The following ESCO2 variants were observed in gnomAD, a reference collection of about 807,000 sequenced individuals.
The protein encoded by ESCO2 is N-acetyltransferase ESCO2.
Under a neutral mutation model 61.7 loss-of-function variants are expected in ESCO2, and 51 were observed. The observed-to-expected ratio is 0.83, with a 90% CI of 0.66 to 1.04. The LOEUF is 1.04. Ranked by LOEUF, ESCO2 falls within the 50% of genes least tolerant of loss-of-function variation. The probability of loss-of-function intolerance (pLI) is 0.00; values close to 1 mark genes in which losing one functional copy is unlikely to be tolerated. For missense variants in ESCO2, 692 were observed against 686.2 expected, an observed-to-expected ratio of 1.01 and a Z score of -0.09; for synonymous variants, 230 against 238.2, an observed-to-expected ratio of 0.97 and a Z score of 0.32.
chr8:27,790,223 C>G (rs968561080), intron 7 of ESCO2, among the ~76,000 whole-genome samples: 16 of 152,178 alleles, frequency 1.1e-4, no homozygotes, highest in African/African-American at 3.9e-4. Context: ...GGATTTCTTT[C>G]TTTAATTTGT....
At chr8:27,786,996 G>A (rs4732750) in intron 5 of ESCO2, among the ~76,000 whole-genome samples, 41,297 of 151,840 alleles carry the variant, frequency 0.27, 6,432 homozygotes, top group Middle Eastern at 0.36. Context: ...AGGCTGGGTG[G>A]AGACTAGGGC....
At chr8:27,777,233 T>C (rs777530905) in intron 3 of ESCO2, 64 bp downstream of exon 3, 2 of 1,452,406 alleles carry the variant, frequency 1.4e-6, no homozygotes, top group Admixed American at 4.6e-5. Flanking sequence ...AATGACATAG[T>C]TGAATAAAAT....
downstream of ESCO2, chr8:27,810,461 G>C (rs1181790703): frequency 1.9e-6 from 3 of 1,606,406 alleles, no homozygotes; most frequent in South Asian, 2.2e-5. Context: ...ACGCTGCATA[G>C]TATGCTTCAT....
Position 27,803,904 on chromosome 8 carries a change from A to ATTT in ESCO2, c.*479_*481dup, listed in dbSNP as rs111395487. ...CCCAATTTGTAAAGGGAATTCCTGAATTTTTTTTTTTTTTTAATAGAGGCA... is the reference window on the plus strand; with the variant it reads ...CCCAATTTGTAAAGGGAATTCCTGAATTTTTTTTTTTTTTTTTTAATAGAGGCA... On this transcript the variant is annotated 3_prime_UTR_variant, in exon 11 of 11. Transcript: ENST00000305188. 1 of 899,560 alleles carries ATTT rather than the reference A, an allele frequency of 1.1e-6. No individual in the cohort carries two copies. Among genetic ancestry groups the ATTT allele is most frequent in the South Asian group, 5.0e-5 (1 of 20,046 alleles). 55.7% of individuals were successfully genotyped at this position (899,560 alleles called of 1,614,324 possible). A position where few individuals can be genotyped will look rare whatever the true frequency, so the allele number is the denominator to read the frequency against.
downstream of ESCO2, chr8:27,810,456 G>A: frequency 6.2e-7 from 1 of 1,606,918 alleles, no homozygotes. Flanking sequence ...TCCCAACGCT[G>A]CATAGTATGC....
chr8:27,808,402 C>G (rs1017550233), downstream of ESCO2: 9 of 217,274 alleles, frequency 4.1e-5, no homozygotes, highest in Admixed American at 3.7e-4. Context: ...AAAGGTAGTC[C>G]TGGGCACGGT....
At chr8:27,811,064 A>G, downstream of ESCO2, 1 of 1,612,966 alleles carries the variant, frequency 6.2e-7, no homozygotes, top group Non-Finnish European at 8.5e-7. Context: ...CAGTAATAAC[A>G]CCATTCTCCT....
At chr8:27,811,056 G>A (rs1805670623), downstream of ESCO2, 4 of 1,612,582 alleles carry the variant, frequency 2.5e-6, no homozygotes, top group Non-Finnish European at 3.4e-6. Flanking sequence ...TGCCTTGTCA[G>A]TAATAACACC....
At chr8:27,779,864 A>T in intron 3 of ESCO2, 1 of 272,580 alleles carries the variant, frequency 3.7e-6, no homozygotes, top group Non-Finnish European at 7.1e-6. Context: ...ATAGGGTTTC[A>T]CCATGTTAGC....
intron 9 of ESCO2, among the ~76,000 whole-genome samples, chr8:27,795,194 T>C (rs1408893017): frequency 6.6e-6 from 1 of 152,222 alleles, no homozygotes; most frequent in Non-Finnish European, 1.5e-5. Context: ...CTTCATCTTC[T>C]TTCATCAGTG....
rs773908617 is a variant in ESCO2 at position 27,777,066 on chromosome 8, A to AAG, written c.759_760insGA (p.Thr254GlufsTer14). 3 of 1,606,382 alleles carry AAG rather than the reference A, an allele frequency of 1.9e-6. No individual in the cohort carries two copies. The Admixed American group carries it at 5.2e-5, about 28-fold the overall frequency. On this transcript the variant is annotated frameshift_variant, in exon 3 of 11. Coordinates refer to ENST00000305188, the MANE Select transcript of ESCO2 (RefSeq NM_001017420.3). LOFTEE classifies it high-confidence loss of function. Reference sequence around the variant, plus strand: ...GATGTAGAGACTGTCAGTGAAAAAAAAACTTTTGCGACAAGGCAAGTGCCA... The same window carrying AAG: ...GATGTAGAGACTGTCAGTGAAAAAAAAGAACTTTTGCGACAAGGCAAGTGCCA...
downstream of ESCO2, among the ~76,000 whole-genome samples, chr8:27,816,699 A>C (rs1191634199): frequency 6.6e-6 from 1 of 151,936 alleles, no homozygotes; most frequent in Non-Finnish European, 1.5e-5. Flanking sequence ...TTAGTTGTGA[A>C]ATGTTAATAT....
the ESCO2 span, among the ~76,000 whole-genome samples, chr8:27,818,936 T>C: frequency 1.3e-5 from 2 of 152,176 alleles, no homozygotes; most frequent in African/African-American, 4.8e-5. Flanking sequence ...TTTTCTAAAA[T>C]GTCCAGATAA....
At position 27,804,304 on chromosome 8, in the gene ESCO2, C is replaced by G; in HGVS notation, c.*866C>G. On this transcript the variant is annotated 3_prime_UTR_variant, in exon 11 of 11. Transcript: ENST00000305188. ...TTGTTGTATGGAAATATTGGTAGTA[C>G]TACTTTGGGAACCTGTTACTGACAA... 4.1e-6 allele frequency: 4 copies of G among 985,320 alleles called. No homozygotes were observed. Among genetic ancestry groups the G allele is most frequent in the Admixed American group, 6.1e-5 (1 of 16,282 alleles). 61.0% of individuals were successfully genotyped at this position (985,320 alleles called of 1,614,324 possible).
chr8:27,806,461 A>C (rs781182641), downstream of ESCO2, among the ~76,000 whole-genome samples: 1 of 152,098 alleles, frequency 6.6e-6, no homozygotes, highest in Non-Finnish European at 1.5e-5. Context: ...TCGGTCTATT[A>C]TTGGACTTTG....
chr8:27,772,596 A>G (rs1013316996), upstream of ESCO2: 5 of 1,526,866 alleles, frequency 3.3e-6, no homozygotes, highest in African/African-American at 5.5e-5. Flanking sequence ...CAACTCACGA[A>G]GCTCAGGATA....
intron 8 of ESCO2, 30 bp from the exon 9 acceptor site, chr8:27,792,638 T>C: frequency 6.2e-7 from 1 of 1,606,720 alleles, no homozygotes; most frequent in Non-Finnish European, 8.5e-7. Flanking sequence ...TTTTAAAACA[T>C]TCACCTGTCT....
intron 9 of ESCO2, among the ~76,000 whole-genome samples, chr8:27,795,632 G>T (rs1025902500): frequency 2.6e-5 from 4 of 152,304 alleles, no homozygotes; most frequent in African/African-American, 9.6e-5. Context: ...TAAGTATGAT[G>T]TTAGTTGTGG....
rs1318419687 is a variant in ESCO2 at position 27,788,967 on chromosome 8, A to T, written c.1252A>T (p.Ile418Phe). The change falls in exon 7 of 11, where the codon ATC becomes TTC. Residue 418 changes from isoleucine to phenylalanine, a missense_variant. By Grantham distance (21) the Ile-to-Phe change is conservative. Transcript: ENST00000305188. ...GCATCACCACAGGTTTCTGGAAGGA[A>T]TCAAATATGTGGTGAGCCAAAACAT... Reference protein sequence around the residue: ...VQHHHRFLEGIKYVGWKKERV... With the variant: ...VQHHHRFLEGFKYVGWKKERV... The T allele has an allele frequency of 6.2e-7, 1 of 1,614,100 alleles. No homozygotes were observed. Among genetic ancestry groups the T allele is most frequent in the Admixed American group, 1.7e-5 (1 of 60,022 alleles).
Sources: allele counts gnomAD v4.1 joint callset (sites outside exome capture counted in the v4.1 genomes callset), GRCh38; gene constraint gnomAD v4.1.1; transcripts MANE v1.5; gene names NCBI Gene and HGNC (gene_info 2026-07-23, HGNC 2026-07-21).